The following SCIN variants were observed in gnomAD, a reference collection of about 807,000 sequenced individuals.
SCIN encodes scinderin, also known as adseverin.
A neutral mutation model predicts 91.8 loss-of-function variants in SCIN; 91 were observed. The ratio of observed to expected loss-of-function variants is 0.99; its 90% CI spans 0.84 to 1.18. The LOEUF (loss-of-function observed/expected upper bound fraction) is 1.18. Ranked by LOEUF, SCIN falls within the 50% of genes most tolerant of loss-of-function variation. The pLI is 0.00. For synonymous variants in SCIN, 367 were observed against 312.6 expected (o/e 1.17, Z -1.84); for missense variants, 1,087 against 863.9 (o/e 1.26, Z -3.24).
chr7:12,578,909 G>GTTTTTTTTTTTTGTTTTGTTTTTTTT (rs1782429443), intron 2 of SCIN, among the ~76,000 whole-genome samples: 1 of 85,896 alleles, frequency 1.2e-5, no homozygotes, highest in African/African-American at 5.2e-5. Context: ...TATAGGACAG[G>GTTTTTTTTTTTTGTTTTGTTTTTTTT]TTTTTTTTTT....
chr7:12,624,958 A>G, intron 5 of SCIN, 52 bp from the exon 6 acceptor site: 1 of 1,526,336 alleles, frequency 6.6e-7, no homozygotes. Context: ...TAATTATAGA[A>G]CATCCTTATC....
chr7:12,618,570 G>C, intron 4 of SCIN, among the ~76,000 whole-genome samples: 1 of 152,102 alleles, frequency 6.6e-6, no homozygotes, highest in Non-Finnish European at 1.5e-5. Context: ...TATCCAGAGT[G>C]GGTGGAGCTG....
At chr7:12,634,625 G>A (rs1783710591) in intron 9 of SCIN, among the ~76,000 whole-genome samples, 3 of 152,184 alleles carry the variant, frequency 2.0e-5, no homozygotes. Flanking sequence ...CTAACCACTA[G>A]TCAAATAGAA....
At chr7:12,603,381 G>A (rs1240334671) in intron 3 of SCIN, among the ~76,000 whole-genome samples, 1 of 151,932 alleles carries the variant, frequency 6.6e-6, no homozygotes, top group South Asian at 2.1e-4. Context: ...CCTGACCCAC[G>A]ATCCGCAAGC....
intron 8 of SCIN, among the ~76,000 whole-genome samples, chr7:12,627,034 G>A (rs1204982529): frequency 6.6e-6 from 1 of 152,046 alleles, no homozygotes; most frequent in African/African-American, 2.4e-5. Context: ...AGGCTGCAGT[G>A]AGCCAAGATC....
Position 12,651,852 on chromosome 7 carries a change from G to A in SCIN, c.1971G>A (p.Trp657Ter). The A allele has an allele frequency of 6.3e-7, 1 of 1,590,728 alleles. No individual in the cohort carries two copies. The highest frequency in any genetic ancestry group is 8.6e-7 in the Non-Finnish European group (1 of 1,164,040). ...GTTTCATTTTTCAGATATTTATTTG[G>A]ATTGGCAAAGATGCTAATGAAGTTG... Reference protein sequence around the residue: ...LLDAWEQIFIWIGKDANEVEK... With the variant: ...LLDAWEQIFI Residue 657 changes from tryptophan (W) to a stop codon, truncating the protein, a stop_gained, in exon 15 of 16, where the codon TGG becomes TGA. Coordinates refer to ENST00000297029, the MANE Select transcript of SCIN (RefSeq NM_001112706.3). LOFTEE classifies it high-confidence loss of function. The surrounding 1 kb of genome is among the most constrained non-coding windows in gnomAD (Gnocchi z 5.9).
intron 8 of SCIN, among the ~76,000 whole-genome samples, chr7:12,627,263 A>G (rs896754500): frequency 4.6e-5 from 7 of 152,086 alleles, no homozygotes; most frequent in Non-Finnish European, 2.9e-5. Flanking sequence ...CCTTTCCGTC[A>G]TCTTGGCTTC....
At position 12,629,306 on chromosome 7, in the gene SCIN, G is replaced by T. The variant is rs549615098; in HGVS notation, c.1319+84G>T. On this transcript the variant is annotated intron_variant, in intron 9 of 15. Coordinates refer to ENST00000297029, the MANE Select transcript of SCIN (RefSeq NM_001112706.3). The stretch of plus-strand genomic sequence containing the variant: ...ATTAAATTCTATGCATTATGGGGTA[G>T]AATAATCCTATAATCATCCCAGTGA... 3.2e-6 allele frequency: 4 copies of T among 1,260,504 alleles called. No homozygotes were observed. In the Admixed American group the frequency reaches 7.1e-5, roughly 22 times the overall value. 78.1% of individuals were successfully genotyped at this position (1,260,504 alleles called of 1,614,324 possible).
At chr7:12,630,320 G>A (rs1163600214) in intron 9 of SCIN, among the ~76,000 whole-genome samples, 2 of 152,160 alleles carry the variant, frequency 1.3e-5, no homozygotes, top group African/African-American at 4.8e-5. Context: ...GACCCACAAA[G>A]GCAGAACCTG....
At chr7:12,572,999 C>A (rs1320020053) in intron 1 of SCIN, among the ~76,000 whole-genome samples, 1 of 151,556 alleles carries the variant, frequency 6.6e-6, no homozygotes, top group African/African-American at 2.4e-5. Context: ...GAAACAGAAG[C>A]CTTTAGAGAA....
At chr7:12,601,597 A>T (rs1262980056) in intron 3 of SCIN, among the ~76,000 whole-genome samples, 1 of 152,106 alleles carries the variant, frequency 6.6e-6, no homozygotes, top group African/African-American at 2.4e-5. Context: ...GTTTTTTCTT[A>T]ATTATCTCTG....
At chr7:12,604,738 G>GTT (rs1783037548) in intron 4 of SCIN, 75 bp downstream of exon 4, 1 of 1,335,714 alleles carries the variant, frequency 7.5e-7, no homozygotes. Flanking sequence ...GTGTGTGTGT[G>GTT]TAAGGCAGCA....
chr7:12,649,896 C>A (rs1784045052), intron 14 of SCIN, among the ~76,000 whole-genome samples: 1 of 152,124 alleles, frequency 6.6e-6, no homozygotes, highest in Admixed American at 6.5e-5. Flanking sequence ...ATTGAGGAAA[C>A]CGACATATTC....
At chr7:12,571,911 CCTGT>C (rs1782279378) in intron 1 of SCIN, among the ~76,000 whole-genome samples, 1 of 152,100 alleles carries the variant, frequency 6.6e-6, no homozygotes. Context: ...GTGGGCACAC[CCTGT>C]CTAACAACAT....
intron 3 of SCIN, among the ~76,000 whole-genome samples, chr7:12,594,693 G>T (rs1157870299): frequency 6.6e-6 from 1 of 152,082 alleles, no homozygotes; most frequent in Non-Finnish European, 1.5e-5. Flanking sequence ...AATGGAGGAG[G>T]TGAGGGTAGA....
chr7:12,646,784 C>A (rs888843795), intron 13 of SCIN, among the ~76,000 whole-genome samples: 10 of 152,044 alleles, frequency 6.6e-5, no homozygotes, highest in Admixed American at 3.3e-4. Context: ...AAATTTCCCA[C>A]GTATTTTGTC....
chr7:12,604,622 A>G lies in SCIN; in HGVS notation c.625A>G (p.Ile209Val), dbSNP rs113146520. The change falls in exon 4 of 16, where the codon ATT (isoleucine) becomes GTT (valine). Residue 209 changes from isoleucine to valine, a missense_variant. By Grantham distance (29) the Ile-to-Val change is conservative. Coordinates refer to ENST00000297029, the MANE Select transcript of SCIN (RefSeq NM_001112706.3). ...YNERKGRSEL[I>V]VVEEGSEPSE... ...TGAAAGGAAAGGAAGGTCTGAACTA[A>G]TTGTCGTGGAAGAAGGAAGTGAACC... is the stretch of plus-strand genomic sequence containing the variant. The G allele has an allele frequency of 5.2e-6, 8 of 1,552,202 alleles. No individual in the cohort carries two copies. The highest frequency in any genetic ancestry group is 4.1e-5 in the African/African-American group (3 of 73,088).
intron 1 of SCIN, among the ~76,000 whole-genome samples, chr7:12,573,939 A>G (rs903458348): frequency 2.0e-5 from 3 of 152,174 alleles, no homozygotes; most frequent in African/African-American, 4.8e-5. Flanking sequence ...TTGCTGGAGC[A>G]TGGGGGTGGG....
At chr7:12,610,118 A>G (rs1295632172) in intron 4 of SCIN, among the ~76,000 whole-genome samples, 2 of 152,188 alleles carry the variant, frequency 1.3e-5, no homozygotes, top group African/African-American at 4.8e-5. Context: ...TGAAAATCCT[A>G]TTTTAGACTT....
Sources: gnomAD v4.1 joint callset for allele counts (sites outside exome capture counted in the v4.1 genomes callset) on GRCh38, gnomAD v4.1.1 for gene constraint, Gnocchi (gnomAD v3.1) non-coding constraint, MANE v1.5 for transcripts, NCBI Gene and HGNC (gene_info 2026-07-23, HGNC 2026-07-21) for gene names.